Variants in LOXHD1 observed in about 807,000 individuals in gnomAD.
LOXHD1 encodes lipoxygenase homology domain-containing protein 1.
LOXHD1 carries 205 observed loss-of-function variants against 248.2 expected under a neutral mutation model. The ratio of observed to expected loss-of-function variants is 0.83; its 90% CI spans 0.74 to 0.93. The LOEUF is 0.93. Among genes scored for constraint, LOXHD1 ranks in the 40% least tolerant of loss-of-function variants. The probability of loss-of-function intolerance (pLI) is 0.00; values close to 1 mark genes in which losing one functional copy is unlikely to be tolerated. For synonymous variants in LOXHD1, 1,113 were observed against 1,162.8 expected (o/e 0.96, Z 0.87); for missense variants, 2,930 against 2,971.6 (o/e 0.99, Z 0.33).
rs1418696825 is a variant in LOXHD1 at position 46,477,892 on chromosome 18, T to C, written c.6402A>G (p.Val2134=). 6.4e-7 allele frequency: 1 copy of C among 1,551,462 alleles called. No individual in the cohort carries two copies. Among genetic ancestry groups the C allele is most frequent in the African/African-American group, 1.4e-5 (1 of 73,052 alleles). ...PLKRKRKYFK[V]FEVTKTTESF... ...TCTCTGTCGTCTTGGTAACCTCGAA[T>C]ACCTTGAAGTACTTCCTCTTCCTCT... Residue 2134 remains valine, a synonymous_variant, in exon 41 of 41, where the codon GTA becomes GTG. Transcript: ENST00000642948.
chr18:46,509,801 T>C lies in LOXHD1; in HGVS notation c.5414A>G (p.Gln1805Arg), dbSNP rs1395006053. 6 of 1,499,680 alleles carry C rather than the reference T, an allele frequency of 4.0e-6. No individual in the cohort carries two copies. The highest frequency in any genetic ancestry group is 5.5e-5 in the East Asian group (2 of 36,204). 92.9% of individuals were successfully genotyped at this position (1,499,680 alleles called of 1,614,324 possible). A position where few individuals can be genotyped will look rare whatever the true frequency, so the allele number is the denominator to read the frequency against. Residue 1805 changes from glutamine to arginine, a missense_variant, in exon 35 of 41, where the codon CAG becomes CGG. Coordinates refer to ENST00000642948, the MANE Select transcript of LOXHD1 (RefSeq NM_001384474.1). ...DKKKARFERE[Q>R]NDTFIMEILD... ...GATCTCCATGATGAAGGTGTCGTTCTGCTCCCGCTCAAACCTGGGGGTGGA... is the reference window on the plus strand; with the variant it reads ...GATCTCCATGATGAAGGTGTCGTTCCGCTCCCGCTCAAACCTGGGGGTGGA...
In LOXHD1 at chr18:46,639,745, C is replaced by T. The variant is rs775431645; in HGVS notation, c.382G>A (p.Val128Met). 1.3e-6 allele frequency: 2 copies of T among 1,551,712 alleles called. No homozygotes were observed. The highest frequency in any genetic ancestry group is 2.4e-5 in the South Asian group (2 of 84,054). ...AGATGAGGCCTCTTCATGTCGGTCA[C>T]AATCACATGGTCCAGGTACCAGCTG... ...NASWYLDHVI[V>M]TDMKRPHLRY... The change falls in exon 4 of 41, where the codon GTG becomes ATG. Residue 128 changes from valine to methionine, a missense_variant. Val to Met is a conservative substitution (Grantham distance 21). Transcript: ENST00000642948.
At chr18:46,514,240 A>G (rs1568121443) in intron 34 of LOXHD1, among the ~76,000 whole-genome samples, 2 of 152,218 alleles carry the variant, frequency 1.3e-5, no homozygotes, top group Non-Finnish European at 2.9e-5. Context: ...CCCTTGAGCT[A>G]CAGATGGTGC....
chr18:46,486,112 G>C (rs932043630), intron 38 of LOXHD1, among the ~76,000 whole-genome samples: 3 of 152,086 alleles, frequency 2.0e-5, no homozygotes, highest in Non-Finnish European at 2.9e-5. Flanking sequence ...GATACTGAGA[G>C]AGTGTGACAT....
intron 19 of LOXHD1, 35 bp downstream of exon 19, chr18:46,560,048 T>TGCCGGGGC: frequency 2.4e-6 from 3 of 1,226,298 alleles, no homozygotes; most frequent in Non-Finnish European, 2.3e-6. Context: ...GTCTGGCCAC[T>TGCCGGGGC]CCCTCCCCAC....
chr18:46,654,349 C>T (rs1365558932), intron 1 of LOXHD1, among the ~76,000 whole-genome samples: 1 of 152,264 alleles, frequency 6.6e-6, no homozygotes, highest in Non-Finnish European at 1.5e-5. Context: ...TGGAAAATTG[C>T]ATCCCAACAG....
In LOXHD1 at chr18:46,525,874, G is replaced by A. The variant is rs114253012; in HGVS notation, c.4531-957C>T. On this transcript the variant is annotated intron_variant, in intron 29 of 40. Transcript: ENST00000642948. ...ACCCCACAGTCCAGGACAGCAAGAG[G>A]AGGGGATGGGTAATTCCAGCTCAGG... Among the ~76,000 whole-genome samples, 442 of 152,308 alleles carry A rather than the reference G, an allele frequency of 2.9e-3. 1 individual carries two copies. The highest frequency in any genetic ancestry group is 0.01 in the African/African-American group (423 of 41,564).
chr18:46,562,151 C>T (rs1378803836), intron 18 of LOXHD1, among the ~76,000 whole-genome samples: 1 of 152,214 alleles, frequency 6.6e-6, no homozygotes, highest in Non-Finnish European at 1.5e-5. Context: ...AATACTTGGT[C>T]CTCTGCCTCC....
rs1227529133 is a variant in LOXHD1 at position 46,524,815 on chromosome 18, C to T, written c.4633G>A (p.Val1545Met). Residue 1545 changes from valine (V) to methionine (M), a missense_variant, in exon 30 of 41, where the codon GTG (valine) becomes ATG (methionine). Val to Met is a conservative substitution (Grantham distance 21, BLOSUM62 1). Coordinates refer to ENST00000642948, the MANE Select transcript of LOXHD1 (RefSeq NM_001384474.1). ...KWCADWYVEK[V>M]EIWNDTNEDE... is the part of the protein sequence containing the mutation. Reference sequence around the variant, plus strand: ...TCGTTGGTGTCATTCCAGATCTCCACCTTCTCCACGTACCAGTCTGCGCAC... The same window carrying T: ...TCGTTGGTGTCATTCCAGATCTCCATCTTCTCCACGTACCAGTCTGCGCAC... 1.4e-5 allele frequency: 21 copies of T among 1,551,686 alleles called. No homozygotes were observed. In the East Asian group the frequency reaches 4.4e-4, roughly 32 times the overall value.
At chr18:46,656,083 C>T (rs1238740723) in intron 1 of LOXHD1, among the ~76,000 whole-genome samples, 2 of 152,154 alleles carry the variant, frequency 1.3e-5, no homozygotes, top group African/African-American at 2.4e-5. Context: ...GACTGGTGAG[C>T]CACTTTGGAG....
At chr18:46,519,642 T>A (rs1438043761) in intron 33 of LOXHD1, among the ~76,000 whole-genome samples, 1 of 152,180 alleles carries the variant, frequency 6.6e-6, no homozygotes, top group Non-Finnish European at 1.5e-5. Context: ...TTTGCTCTTA[T>A]CCAGGCAGGC....
At chr18:46,553,972 T>C (rs1478293150) in intron 21 of LOXHD1, among the ~76,000 whole-genome samples, 1 of 152,078 alleles carries the variant, frequency 6.6e-6, no homozygotes, top group African/African-American at 2.4e-5. Context: ...GGAATCAGAA[T>C]AGAGAGATGA....
chr18:46,521,759 A>G (rs2035587822), intron 32 of LOXHD1, among the ~76,000 whole-genome samples: 1 of 152,194 alleles, frequency 6.6e-6, no homozygotes, highest in South Asian at 2.1e-4. Flanking sequence ...TGAGATCTCA[A>G]AGATGGACCC....
Position 46,646,497 on chromosome 18 carries a change from G to A in LOXHD1, c.245+2658C>T, listed in dbSNP as rs537552132. Among the ~76,000 whole-genome samples the A allele has an allele frequency of 2.2e-4, 34 of 152,196 alleles. No homozygotes were observed. The East Asian group carries it at 4.6e-3, about 21-fold the overall frequency. On this transcript the variant is annotated intron_variant, in intron 2 of 40. Transcript: ENST00000642948. ...ACTCTGGCCTCCTCCTTCCCCACTC[G>A]TCCTGCTCACTGTGCTCAGATGATC...
At chr18:46,502,840 C>G (rs2034322070) in intron 37 of LOXHD1, among the ~76,000 whole-genome samples, 1 of 152,184 alleles carries the variant, frequency 6.6e-6, no homozygotes, top group Non-Finnish European at 1.5e-5. Context: ...TCTGGGCTGA[C>G]TGGGAAGAGG....
At chr18:46,509,948 C>A (rs2034857092) in intron 34 of LOXHD1, 133 bp from the exon 35 acceptor site, 1 of 678,722 alleles carries the variant, frequency 1.5e-6, no homozygotes, top group South Asian at 1.7e-5. Context: ...CTGCTCTCAG[C>A]AACTCTCCAC....
chr18:46,524,675 A>G (rs1320757756), intron 30 of LOXHD1, 33 bp downstream of exon 30: 2 of 1,551,204 alleles, frequency 1.3e-6, no homozygotes, highest in Non-Finnish European at 1.7e-6. Context: ...AGGCATGAGG[A>G]TGGCCACAGG....
At chr18:46,501,348 C>T (rs116277714) in intron 37 of LOXHD1, among the ~76,000 whole-genome samples, 3,215 of 152,206 alleles carry the variant, frequency 0.021, 99 homozygotes, top group African/African-American at 0.074. Flanking sequence ...TTTTCATGGT[C>T]TATTTAGTGC....
At chr18:46,618,616 T>C (rs955349301) in intron 4 of LOXHD1, among the ~76,000 whole-genome samples, 3 of 152,222 alleles carry the variant, frequency 2.0e-5, no homozygotes, top group Admixed American at 2.0e-4. Flanking sequence ...TGCTAACATG[T>C]TGCCTTGAAA....
Sources: allele counts gnomAD v4.1 joint callset (sites outside exome capture counted in the v4.1 genomes callset), GRCh38; gene constraint gnomAD v4.1.1; transcripts MANE v1.5; gene names NCBI Gene and HGNC (gene_info 2026-07-23, HGNC 2026-07-21).